C5orf24: variants seen among roughly 807,000 people sequenced by gnomAD.
C5orf24 encodes the protein UPF0461 protein C5orf24.
C5orf24 carries 4 observed loss-of-function variants against 9.8 expected under a neutral mutation model. The ratio of observed to expected loss-of-function variants is 0.41; its 90% CI spans 0.20 to 0.93. The LOEUF is 0.93. Ranked by LOEUF, C5orf24 falls within the 40% of genes least tolerant of loss-of-function variation. C5orf24 has a pLI of 0.33. For missense variants in C5orf24, 170 were observed against 236.9 expected, an observed-to-expected ratio of 0.72 and a Z score of 1.85; for synonymous variants, 73 against 81.3, an observed-to-expected ratio of 0.90 and a Z score of 0.55.
chr5:134,839,691 C>CTT, the C5orf24 span, among the ~76,000 whole-genome samples: 485 of 135,322 alleles, frequency 3.6e-3, 4 homozygotes, highest in African/African-American at 0.012. Flanking sequence ...GTAACTTTAC[C>CTT]TTTTTTTTTT....
At chr5:134,837,723 A>C in the C5orf24 span, among the ~76,000 whole-genome samples, 1 of 152,004 alleles carries the variant, frequency 6.6e-6, no homozygotes, top group Non-Finnish European at 1.5e-5. Context: ...CCAGACACCA[A>C]ATTGGCCAGT....
At chr5:134,838,598 C>T in the C5orf24 span, among the ~76,000 whole-genome samples, 1 of 152,036 alleles carries the variant, frequency 6.6e-6, no homozygotes, top group Non-Finnish European at 1.5e-5. Flanking sequence ...GCCGAGATCA[C>T]GCCACCACAT....
Position 134,855,008 on chromosome 5 carries a change from C to T in C5orf24, c.108C>T (p.Ser36=). ...CTGCTGATCAGTTTGACATATATTC[C>T]TCCCAGCAAAGCAAATACAGCCACA... is the stretch of plus-strand genomic sequence containing the variant. ...MRAADQFDIY[S]SQQSKYSHTV... Residue 36 remains serine, a synonymous_variant, in exon 2 of 2, where the codon TCC becomes TCT. Coordinates refer to ENST00000394976, the MANE Select transcript of C5orf24 (RefSeq NM_001135586.1). 1.2e-6 allele frequency: 2 copies of T among 1,614,094 alleles called. No homozygotes were observed. The highest frequency in any genetic ancestry group is 1.3e-5 in the African/African-American group (1 of 75,002).
the C5orf24 span, among the ~76,000 whole-genome samples, chr5:134,837,473 G>C: frequency 1.3e-5 from 2 of 152,008 alleles, no homozygotes; most frequent in African/African-American, 4.8e-5. Context: ...ATTTTCTTAT[G>C]CTCTCTGCTA....
At chr5:134,853,456 T>C (rs1756218135) in intron 1 of C5orf24, among the ~76,000 whole-genome samples, 1 of 150,588 alleles carries the variant, frequency 6.6e-6, no homozygotes, top group African/African-American at 2.4e-5. Context: ...ATAAGTCCTT[T>C]ATATAAAAAA....
chr5:134,851,442 C>T (rs569608323), intron 1 of C5orf24, among the ~76,000 whole-genome samples: 1 of 120,258 alleles, frequency 8.3e-6, no homozygotes, highest in South Asian at 3.2e-4. Context: ...CCGCCCCCCA[C>T]CCCCCAGGGA....
At chr5:134,839,071 C>A in the C5orf24 span, among the ~76,000 whole-genome samples, 1 of 151,956 alleles carries the variant, frequency 6.6e-6, no homozygotes, top group South Asian at 2.1e-4. Flanking sequence ...TGGCCCGGCA[C>A]ACATCCATAG....
the C5orf24 span, among the ~76,000 whole-genome samples, chr5:134,837,036 C>T: frequency 5.4e-4 from 82 of 151,894 alleles, 1 homozygote; most frequent in African/African-American, 1.9e-3. Context: ...TGCAATGGCG[C>T]GATCTCAGCT....
At chr5:134,848,116 T>C (rs984804368) in intron 1 of C5orf24, among the ~76,000 whole-genome samples, 4 of 149,602 alleles carry the variant, frequency 2.7e-5, no homozygotes, top group Admixed American at 6.7e-5. Context: ...ATCGAGACCA[T>C]CCTGGCTAAC....
intron 1 of C5orf24, among the ~76,000 whole-genome samples, chr5:134,848,163 T>C (rs532587431): frequency 6.6e-6 from 1 of 150,762 alleles, no homozygotes; most frequent in South Asian, 2.1e-4. Context: ...TACGAAAAAT[T>C]AGCCAGGCGT....
At chr5:134,834,668 GCACTTTGGGAGGC>G in the C5orf24 span, among the ~76,000 whole-genome samples, 1 of 152,140 alleles carries the variant, frequency 6.6e-6, no homozygotes, top group African/African-American at 2.4e-5. Flanking sequence ...TGTAATCCCA[GCACTTTGGGAGGC>G]CGAGGAGGGT....
At chr5:134,839,200 CAA>C in the C5orf24 span, among the ~76,000 whole-genome samples, 6 of 121,254 alleles carry the variant, frequency 4.9e-5, no homozygotes, top group Admixed American at 8.7e-5. Context: ...GACCCTGTCT[CAA>C]AAAAAAAAAA....
At chr5:134,837,666 C>CAA in the C5orf24 span, among the ~76,000 whole-genome samples, 25 of 105,336 alleles carry the variant, frequency 2.4e-4, no homozygotes, top group East Asian at 7.9e-4. Context: ...GAGAACATAG[C>CAA]AAAAAAAAAA....
chr5:134,835,373 G>A, the C5orf24 span, among the ~76,000 whole-genome samples: 1 of 152,164 alleles, frequency 6.6e-6, no homozygotes, highest in South Asian at 2.1e-4. Flanking sequence ...GAAGAGGCCG[G>A]ATGCGTTGGC....
Position 134,857,496 on chromosome 5 carries a change from A to G in C5orf24, c.*2029A>G, listed in dbSNP as rs1756345971. The G allele has an allele frequency of 1.4e-5, 20 of 1,393,730 alleles. No homozygotes were observed. The South Asian group carries it at 3.3e-4, about 23-fold the overall frequency. The allele number at this position is 1,393,730 out of a possible 1,614,324, so 86.3% of individuals were successfully genotyped here. ...GGCGTCTAAGACAGTGACCTCAACA[A>G]TATTAGCTTTGCACAAACCATAGAG... On this transcript the variant is annotated 3_prime_UTR_variant, in exon 2 of 2. Transcript: ENST00000394976.
upstream of C5orf24, among the ~76,000 whole-genome samples, chr5:134,843,810 C>T (rs558675427): frequency 6.6e-6 from 1 of 152,332 alleles, no homozygotes; most frequent in South Asian, 2.1e-4. Context: ...CCGCCTTGGC[C>T]TCCCAAAGTG....
chr5:134,834,688 G>T, the C5orf24 span, among the ~76,000 whole-genome samples: 1 of 152,030 alleles, frequency 6.6e-6, no homozygotes, highest in African/African-American at 2.4e-5. Flanking sequence ...AGGCCGAGGA[G>T]GGTGGATCAC....
chr5:134,851,024 A>ATTTG, intron 1 of C5orf24, among the ~76,000 whole-genome samples: 1 of 148,436 alleles, frequency 6.7e-6, no homozygotes, highest in South Asian at 2.1e-4. Context: ...TTATTTATTT[A>ATTTG]TTTATTTATT....
Position 134,853,528 on chromosome 5 carries a change from CTTTTTTTTT to C in C5orf24, c.-3-1355_-3-1347del, listed in dbSNP as rs773207000. ...GACTTTGGACCTTCTTCTTCTTCTT[CTTTTTTTTT>C]TTTTTTTTTTTTTTCTATTTCAAGA... On this transcript the variant is annotated intron_variant, in intron 1 of 1. Transcript: ENST00000394976. Among the ~76,000 whole-genome samples, 4 of 104,246 alleles carry C rather than the reference CTTTTTTTTT, an allele frequency of 3.8e-5. No homozygotes were observed. In the South Asian group the frequency reaches 1.0e-3, roughly 27 times the overall value. 68.4% of individuals were successfully genotyped at this position (104,246 alleles called of 152,430 possible).
Sources: gnomAD v4.1 joint callset for allele counts (sites outside exome capture counted in the v4.1 genomes callset) on GRCh38, gnomAD v4.1.1 for gene constraint, MANE v1.5 for transcripts, NCBI Gene and HGNC (gene_info 2026-07-23, HGNC 2026-07-21) for gene names.